ACOT1: variants seen among roughly 807,000 people sequenced by gnomAD.
ACOT1 encodes the protein acyl-CoA thioesterase 1.
A neutral mutation model predicts 15.7 loss-of-function variants in ACOT1; 8 were observed. That is an observed-to-expected ratio of 0.51 (90% CI 0.30 to 0.92). ACOT1 has a LOEUF of 0.92. ACOT1 is among the 40% of genes least tolerant of loss of function. The pLI, the probability that ACOT1 is intolerant of heterozygous loss-of-function variation, is 0.06. For synonymous variants in ACOT1, 67 were observed against 241.2 expected, an observed-to-expected ratio of 0.28 and a Z score of 6.69; for missense variants, 151 against 539.4, an observed-to-expected ratio of 0.28 and a Z score of 7.13.
the ACOT1 span, among the ~76,000 whole-genome samples, chr14:73,494,868 A>T: frequency 6.6e-6 from 1 of 152,106 alleles, no homozygotes; most frequent in African/African-American, 2.4e-5. Flanking sequence ...ACCACCAACC[A>T]CTACCACTAT....
At chr14:73,542,165 AT>A (rs34070206) in intron 2 of ACOT1, among the ~76,000 whole-genome samples, 34,295 of 97,706 alleles carry the variant, frequency 0.35, 13,029 homozygotes, top group Admixed American at 0.5. Flanking sequence ...TAATTTTTGT[AT>A]TTTTTTTTTT....
At chr14:73,502,046 AT>A in the ACOT1 span, among the ~76,000 whole-genome samples, 1,001 of 133,912 alleles carry the variant, frequency 7.5e-3, 2 homozygotes, top group African/African-American at 0.01. Flanking sequence ...CGCCCGGCCA[AT>A]TTTTTTTTTT....
the ACOT1 span, among the ~76,000 whole-genome samples, chr14:73,507,098 C>T: frequency 0.011 from 1,661 of 152,174 alleles, 38 homozygotes; most frequent in Admixed American, 0.041. Flanking sequence ...CCACCGTGCC[C>T]GGCCTTCTGT....
At chr14:73,509,855 TATATATATATA>T in the ACOT1 span, among the ~76,000 whole-genome samples, 1 of 69,514 alleles carries the variant, frequency 1.4e-5, no homozygotes, top group South Asian at 3.7e-4. Context: ...TATATATATA[TATATATATATA>T]TATTTATTTA....
chr14:73,526,406 G>T, the ACOT1 span, among the ~76,000 whole-genome samples: 181 of 152,310 alleles, frequency 1.2e-3, no homozygotes, highest in African/African-American at 4.1e-3. Flanking sequence ...GAGATGCACT[G>T]GTCATGGAGG....
chr14:73,498,927 C>G, the ACOT1 span: 3 of 725,590 alleles, frequency 4.1e-6, no homozygotes, highest in East Asian at 5.0e-5. Flanking sequence ...TTATCTTTCT[C>G]TTTTCAGACA....
the ACOT1 span, chr14:73,512,019 G>C: frequency 6.2e-6 from 10 of 1,613,954 alleles, no homozygotes; most frequent in South Asian, 1.1e-4. Context: ...AGTCTCTCTG[G>C]CTGGTGGCAA....
chr14:73,496,694 G>C, the ACOT1 span: 1 of 1,396,308 alleles, frequency 7.2e-7, no homozygotes, highest in East Asian at 2.3e-5. Context: ...AAGATAAGAA[G>C]GGCTTCTTAG....
the ACOT1 span, chr14:73,492,592 G>T: frequency 6.2e-7 from 1 of 1,613,954 alleles, no homozygotes; most frequent in Non-Finnish European, 8.5e-7. This position sits in a 1 kb window ranked among gnomAD's most constrained non-coding sequence, Gnocchi z 4.9. Flanking sequence ...GTGTTTACGG[G>T]CTTCCAATTC....
the ACOT1 span, chr14:73,498,306 C>T: frequency 6.2e-7 from 1 of 1,611,244 alleles, no homozygotes; most frequent in Non-Finnish European, 8.5e-7. Flanking sequence ...AGCAGAAGAT[C>T]CGTCAGCTCG....
At chr14:73,538,632 G>A (rs56002300) in intron 1 of ACOT1, among the ~76,000 whole-genome samples, 8,445 of 101,386 alleles carry the variant, frequency 0.083, 2,691 homozygotes, top group Admixed American at 0.22. Context: ...AAAAAAAAAG[G>A]CATTGTAAGG....
the ACOT1 span, among the ~76,000 whole-genome samples, chr14:73,504,409 AT>A: frequency 6.6e-6 from 1 of 151,554 alleles, no homozygotes; most frequent in African/African-American, 2.4e-5. Context: ...CACCCGCCTA[AT>A]TTTTTTTATT....
the ACOT1 span, chr14:73,491,188 G>T: frequency 6.3e-7 from 1 of 1,597,704 alleles, no homozygotes; most frequent in Non-Finnish European, 8.5e-7. Flanking sequence ...GGACGCAGAC[G>T]CTGCCTAGCG....
chr14:73,521,754 G>A, the ACOT1 span, among the ~76,000 whole-genome samples: 1 of 152,152 alleles, frequency 6.6e-6, no homozygotes, highest in Non-Finnish European at 1.5e-5. Context: ...TGACACACTG[G>A]TTCCTTATTC....
the ACOT1 span, chr14:73,492,780 A>T: frequency 1.9e-6 from 3 of 1,613,796 alleles, no homozygotes; most frequent in Admixed American, 5.0e-5. The surrounding 1 kb of genome is among the most constrained non-coding windows in gnomAD (Gnocchi z 4.9). Context: ...TTGGAAATAT[A>T]CCCCCAGCAA....
the ACOT1 span, chr14:73,512,261 A>G: frequency 1.7e-6 from 2 of 1,208,310 alleles, no homozygotes; most frequent in East Asian, 2.6e-5. Flanking sequence ...CAAGCAAAAC[A>G]TTAGCTCAGA....
At chr14:73,528,528 A>T in the ACOT1 span, among the ~76,000 whole-genome samples, 1 of 152,166 alleles carries the variant, frequency 6.6e-6, no homozygotes, top group Non-Finnish European at 1.5e-5. Flanking sequence ...GGTCTGATCA[A>T]AAGAGGCTTG....
the ACOT1 span, among the ~76,000 whole-genome samples, chr14:73,506,787 C>G: frequency 2.6e-5 from 3 of 115,950 alleles, no homozygotes; most frequent in African/African-American, 9.5e-5. Flanking sequence ...TGGGACCTTC[C>G]TTTCCTGACT....
the ACOT1 span, among the ~76,000 whole-genome samples, chr14:73,510,550 C>T: frequency 1.3e-3 from 197 of 152,258 alleles, no homozygotes; most frequent in African/African-American, 4.4e-3. Flanking sequence ...ATTCTTCTGC[C>T]TCAGCCTTCC....
Sources: allele counts gnomAD v4.1 joint callset (sites outside exome capture counted in the v4.1 genomes callset), GRCh38; gene constraint gnomAD v4.1.1; non-coding constraint Gnocchi (gnomAD v3.1); transcripts MANE v1.5; gene names NCBI Gene and HGNC (gene_info 2026-07-23, HGNC 2026-07-21).